Variants in CFAP43 observed in about 807,000 individuals in gnomAD.
CFAP43 encodes the protein cilia and flagella associated protein 43.
Under a neutral mutation model 218.9 loss-of-function variants are expected in CFAP43, and 155 were observed. The ratio of observed to expected loss-of-function variants is 0.71; its 90% CI spans 0.62 to 0.81. The LOEUF (loss-of-function observed/expected upper bound fraction) is 0.81, where lower values mean the gene tolerates loss of function less well. CFAP43 is among the 30% of genes least tolerant of loss of function. The probability of loss-of-function intolerance (pLI) is 0.00; values close to 1 mark genes in which losing one functional copy is unlikely to be tolerated. For missense variants in CFAP43, 1,778 were observed against 1,954.3 expected, an observed-to-expected ratio of 0.91 and a Z score of 1.70; for synonymous variants, 645 against 681.3, an observed-to-expected ratio of 0.95 and a Z score of 0.83.
At chr10:104,150,270 C>T (rs1170081916) in intron 28 of CFAP43, among the ~76,000 whole-genome samples, 2 of 152,134 alleles carry the variant, frequency 1.3e-5, no homozygotes, top group African/African-American at 2.4e-5. Context: ...AATCTTCCCC[C>T]TCACTCCCAG....
chr10:104,175,247 G>A (rs1589705754), intron 19 of CFAP43, among the ~76,000 whole-genome samples: 1 of 152,110 alleles, frequency 6.6e-6, no homozygotes, highest in East Asian at 1.9e-4. Context: ...ATCATAGGGA[G>A]ACCCTGTCTC....
chr10:104,150,932 C>A (rs952541792), intron 28 of CFAP43, among the ~76,000 whole-genome samples: 1 of 152,062 alleles, frequency 6.6e-6, no homozygotes, highest in African/African-American at 2.4e-5. Context: ...ATCTGTTGTT[C>A]CCCTCTATGT....
At chr10:104,132,061 T>G in intron 36 of CFAP43, 55 bp downstream of exon 36, 1 of 1,333,484 alleles carries the variant, frequency 7.5e-7, no homozygotes, top group East Asian at 2.4e-5. Context: ...ACTATTACTT[T>G]GCTCAAATGA....
intron 5 of CFAP43, among the ~76,000 whole-genome samples, chr10:104,211,204 C>T (rs907864899): frequency 6.6e-5 from 10 of 152,102 alleles, no homozygotes; most frequent in Non-Finnish European, 5.9e-5. Flanking sequence ...ATAATTACCA[C>T]ATTTTGTAAT....
intron 3 of CFAP43, among the ~76,000 whole-genome samples, chr10:104,217,661 TC>T (rs1564810317): frequency 6.6e-6 from 1 of 152,148 alleles, no homozygotes; most frequent in Non-Finnish European, 1.5e-5. Flanking sequence ...TTTCCAGCAC[TC>T]CCAGGTGTTC....
intron 28 of CFAP43, among the ~76,000 whole-genome samples, chr10:104,149,412 CA>C (rs2088139770): frequency 6.6e-6 from 1 of 152,178 alleles, no homozygotes; most frequent in Non-Finnish European, 1.5e-5. Flanking sequence ...AGATGCTTCT[CA>C]TCATCTACTA....
intron 19 of CFAP43, among the ~76,000 whole-genome samples, chr10:104,177,508 T>C (rs1019951380): frequency 1.3e-5 from 2 of 152,078 alleles, no homozygotes; most frequent in Non-Finnish European, 2.9e-5. Flanking sequence ...CCTTCATGAA[T>C]AGCAACAATG....
chr10:104,193,940 G>C lies in CFAP43; in HGVS notation c.1368C>G (p.Ile456Met), dbSNP rs2090309468. ...VGTEDGSVYFISVYDKESPQV... is the reference protein window; with the variant it reads ...VGTEDGSVYFMSVYDKESPQV... ...GAGGGGATTCCTTATCATATACGCT[G>C]ATGAAGTAGACCGAGCCATCCTCCG... Residue 456 changes from isoleucine (I) to methionine (M), a missense_variant, in exon 11 of 38, where the codon ATC (isoleucine) becomes ATG (methionine). Ile to Met is a conservative substitution (Grantham distance 10, BLOSUM62 1). This residue lies in a region of CFAP43 where 1,553 missense variants were observed against 1,685.2 expected (regional missense o/e 0.92). Transcript: ENST00000357060. 2 of 1,614,022 alleles carry C rather than the reference G, an allele frequency of 1.2e-6. No individual in the cohort carries two copies. The highest frequency in any genetic ancestry group is 3.3e-5 in the Admixed American group (2 of 60,002).
chr10:104,130,531 C>G (rs1290588844), intron 37 of CFAP43, among the ~76,000 whole-genome samples: 1 of 152,124 alleles, frequency 6.6e-6, no homozygotes, highest in Non-Finnish European at 1.5e-5. Context: ...CCATGGGACA[C>G]TACACAGCCA....
intron 36 of CFAP43, 84 bp from the exon 37 acceptor site, chr10:104,131,568 TAAATACATTATCATC>T: frequency 7.3e-7 from 1 of 1,376,334 alleles, no homozygotes. Context: ...TCTTATATTT[TAAATACATTATCATC>T]ATTAAGATAA....
chr10:104,229,587 C>A (rs564077976), intron 2 of CFAP43, among the ~76,000 whole-genome samples: 1 of 151,954 alleles, frequency 6.6e-6, no homozygotes, highest in Non-Finnish European at 1.5e-5. Flanking sequence ...TCACTTGAAC[C>A]CAGGAGGTGG....
Position 104,230,733 on chromosome 10 carries a change from G to A in CFAP43, c.176C>T (p.Thr59Ile). ...AATTCCATTACTACACTGCAGTACA[G>A]TCTTTTTCTTGGTTTCAATATTAAT... is the stretch of plus-strand genomic sequence containing the variant. ...IFINIETKKKTVLQCSNGIVG... is the reference protein window; with the variant it reads ...IFINIETKKKIVLQCSNGIVG... The change falls in exon 2 of 38, where the codon ACT (threonine) becomes ATT (isoleucine). Residue 59 changes from threonine (T) to isoleucine (I), a missense_variant. By Grantham distance (89) the Thr-to-Ile change is moderately conservative. Transcript: ENST00000357060. 6.2e-7 allele frequency: 1 copy of A among 1,614,054 alleles called. No homozygotes were observed. Among genetic ancestry groups the A allele is most frequent in the South Asian group, 1.1e-5 (1 of 91,066 alleles).
chr10:104,133,051 A>G (rs2087270439), intron 35 of CFAP43, among the ~76,000 whole-genome samples: 1 of 152,226 alleles, frequency 6.6e-6, no homozygotes, highest in East Asian at 1.9e-4. Flanking sequence ...GGATGTACAA[A>G]AAAGGCAAAC....
In CFAP43 at chr10:104,142,312, C is replaced by T. The variant is rs1423670813; in HGVS notation, c.4240G>A (p.Glu1414Lys). The T allele has an allele frequency of 6.2e-7, 1 of 1,613,530 alleles. No individual in the cohort carries two copies. ...AGTTCATGGAACACTCTCTCAATCT[C>T]CTGTTGCACCTTCTCTTCCTCCTCA... ...RVEEEEKVQQ[E>K]IERVFHELIL... The change falls in exon 33 of 38, where the codon GAG becomes AAG. Residue 1414 changes from glutamate to lysine, a missense_variant. Coordinates refer to ENST00000357060, the MANE Select transcript of CFAP43 (RefSeq NM_025145.7).
intron 3 of CFAP43, 149 bp from the exon 4 acceptor site, chr10:104,214,575 A>C (rs10883982): frequency 0.21 from 149,396 of 714,964 alleles, 16,839 homozygotes; most frequent in South Asian, 0.23. Context: ...TTTATAAATA[A>C]TTATGCTTAT....
chr10:104,174,582 T>C (rs571501882), intron 19 of CFAP43, among the ~76,000 whole-genome samples: 12 of 152,104 alleles, frequency 7.9e-5, no homozygotes, highest in African/African-American at 2.4e-4. Flanking sequence ...ACCAATGCAA[T>C]AGAAAAATAT....
Position 104,203,811 on chromosome 10 carries a change from T to C in CFAP43, c.964-8A>G. ...AGAATACACAAAGCCATCCTAGAGATGAGTGAGATAAACATAGAAAATCAG... is the reference window on the plus strand; with the variant it reads ...AGAATACACAAAGCCATCCTAGAGACGAGTGAGATAAACATAGAAAATCAG... On this transcript the variant is annotated splice_polypyrimidine_tract_variant and splice_region_variant and intron_variant, in intron 7 of 37. Coordinates refer to ENST00000357060, the MANE Select transcript of CFAP43 (RefSeq NM_025145.7). 6.3e-7 allele frequency: 1 copy of C among 1,591,692 alleles called. No homozygotes were observed. Among genetic ancestry groups the C allele is most frequent in the Non-Finnish European group, 8.5e-7 (1 of 1,172,014 alleles).
chr10:104,177,475 C>A (rs929233669), intron 19 of CFAP43, among the ~76,000 whole-genome samples: 1 of 152,140 alleles, frequency 6.6e-6, no homozygotes, highest in African/African-American at 2.4e-5. Flanking sequence ...TTCTGCCCTG[C>A]AATCTGAGCC....
At chr10:104,143,352 T>C in intron 32 of CFAP43, 74 bp downstream of exon 32, 1 of 1,337,812 alleles carries the variant, frequency 7.5e-7, no homozygotes, top group Non-Finnish European at 1.0e-6. Context: ...GCTTTTTTGG[T>C]TACACTGACC....
Sources: allele counts gnomAD v4.1 joint callset (sites outside exome capture counted in the v4.1 genomes callset), GRCh38; gene constraint gnomAD v4.1.1; regional missense constraint gnomAD v4.1.1; transcripts MANE v1.5; gene names NCBI Gene and HGNC (gene_info 2026-07-23, HGNC 2026-07-21).